FILIP1: variants seen among roughly 807,000 people sequenced by gnomAD.
FILIP1 encodes the protein filamin-A-interacting protein 1.
FILIP1 carries 61 observed loss-of-function variants against 102.1 expected under a neutral mutation model. The ratio of observed to expected loss-of-function variants is 0.60; its 90% CI spans 0.49 to 0.74. FILIP1 has a LOEUF of 0.74. Among genes scored for constraint, FILIP1 ranks in the 30% least tolerant of loss-of-function variants. FILIP1 has a pLI of 0.00. For missense variants in FILIP1, 1,314 were observed against 1,441.2 expected (o/e 0.91, Z 1.43); for synonymous variants, 491 against 526.9 (o/e 0.93, Z 0.93).
downstream of FILIP1, among the ~76,000 whole-genome samples, chr6:75,306,660 A>G (rs1181881737): frequency 1.3e-5 from 2 of 152,246 alleles, no homozygotes; most frequent in African/African-American, 4.8e-5. Flanking sequence ...ACCCAAAATC[A>G]TAAAATGTTC....
rs189488477 is a variant in FILIP1 at position 75,301,853 on chromosome 6, C to T, written c.3494-5903G>A. On this transcript the variant is annotated intron_variant, in intron 6 of 6. Coordinates refer to the FILIP1 transcript ENST00000393004. ...TCTCTCAGGTATCAAGTCCATTTTT[C>T]AGCAGCCCTTCTTCTCTGGATATTC... Among the ~76,000 whole-genome samples the T allele has an allele frequency of 1.1e-4, 16 of 152,236 alleles. No individual in the cohort carries two copies. The East Asian group carries it at 3.1e-3, about 29-fold the overall frequency.
At position 75,476,943 on chromosome 6, in the gene FILIP1, GT is replaced by G. The variant is rs543617324; in HGVS notation, c.-7+16470del. Among the ~76,000 whole-genome samples the G allele has an allele frequency of 2.6e-3, 390 of 152,272 alleles. 1 individual carries two copies. Among genetic ancestry groups the G allele is most frequent in the South Asian group, 0.016 (75 of 4,822 alleles). ...TGTTATACAACAATATGGAAGAAAT[GT>G]TAGGTCCTTCCTCCAAGGTGGATAT... On this transcript the variant is annotated intron_variant, in intron 1 of 5. Transcript: ENST00000237172.
At chr6:75,328,324 T>C (rs1296178662) in intron 4 of FILIP1, among the ~76,000 whole-genome samples, 1 of 152,204 alleles carries the variant, frequency 6.6e-6, no homozygotes, top group Non-Finnish European at 1.5e-5. Context: ...AATGAAATTA[T>C]GTATCTGAAA....
intron 1 of FILIP1, among the ~76,000 whole-genome samples, chr6:75,479,868 C>CA (rs58566488): frequency 0.036 from 1,543 of 42,842 alleles, 480 homozygotes; most frequent in African/African-American, 0.058. Context: ...AGCTGTATCT[C>CA]AAAAAAAAAA....
intron 2 of FILIP1, among the ~76,000 whole-genome samples, chr6:75,368,503 C>T (rs905908334): frequency 6.6e-6 from 1 of 152,106 alleles, no homozygotes; most frequent in Non-Finnish European, 1.5e-5. Context: ...TATAAACAAA[C>T]AATTGAGAGG....
downstream of FILIP1, among the ~76,000 whole-genome samples, chr6:75,306,321 T>C (rs1238116459): frequency 6.6e-6 from 1 of 152,154 alleles, no homozygotes; most frequent in Non-Finnish European, 1.5e-5. Flanking sequence ...TGGTATAGAC[T>C]TCCTGGAAGA....
At chr6:75,292,405 G>A (rs1562409665) in exon 7 of FILIP1, 2 of 152,120 alleles carry the variant, frequency 1.3e-5, no homozygotes, top group East Asian at 1.9e-4. Context: ...AATGTATCAC[G>A]TTATGGCATC....
At chr6:75,489,979 C>T (rs1342570023) in intron 1 of FILIP1, among the ~76,000 whole-genome samples, 1 of 151,898 alleles carries the variant, frequency 6.6e-6, no homozygotes, top group African/African-American at 2.4e-5. Context: ...TTCTAAAACC[C>T]ACGAGTTTAA....
intron 2 of FILIP1, among the ~76,000 whole-genome samples, chr6:75,375,348 C>T (rs1775717252): frequency 6.6e-6 from 1 of 152,202 alleles, no homozygotes; most frequent in Non-Finnish European, 1.5e-5. Flanking sequence ...AAGTAGACAA[C>T]AACTGGCATA....
chr6:75,321,037 C>G (rs573074539), intron 4 of FILIP1, among the ~76,000 whole-genome samples: 6 of 152,184 alleles, frequency 3.9e-5, no homozygotes, highest in Admixed American at 6.5e-5. Flanking sequence ...CTTCCTCCTC[C>G]TCCTTCTCCT....
intron 1 of FILIP1, among the ~76,000 whole-genome samples, chr6:75,439,811 C>T (rs1312555167): frequency 6.6e-6 from 1 of 152,172 alleles, no homozygotes; most frequent in African/African-American, 2.4e-5. Context: ...TTCTTCCTAA[C>T]ACTGAAGTAC....
chr6:75,381,936 T>C (rs1263843218), intron 2 of FILIP1, among the ~76,000 whole-genome samples: 1 of 152,238 alleles, frequency 6.6e-6, no homozygotes, highest in Non-Finnish European at 1.5e-5. Context: ...TCCAAAATAT[T>C]TGTTCTTTCC....
At chr6:75,335,380 AAAG>A (rs563556599) in intron 4 of FILIP1, among the ~76,000 whole-genome samples, 1 of 152,226 alleles carries the variant, frequency 6.6e-6, no homozygotes. Context: ...AGCTAAAGTT[AAAG>A]AAGTGTCTGT....
chr6:75,372,136 G>A (rs1169264677), intron 2 of FILIP1, among the ~76,000 whole-genome samples: 1 of 152,156 alleles, frequency 6.6e-6, no homozygotes, highest in African/African-American at 2.4e-5. Context: ...GCCAAGGTGG[G>A]TGGATCACCT....
At chr6:75,341,178 TGAGACAG>T in intron 4 of FILIP1, among the ~76,000 whole-genome samples, 1 of 151,452 alleles carries the variant, frequency 6.6e-6, no homozygotes, top group Non-Finnish European at 1.5e-5. Context: ...TTGGATTTTT[TGAGACAG>T]GGTCTCACTC....
chr6:75,412,017 T>C (rs1266251040), intron 2 of FILIP1, among the ~76,000 whole-genome samples: 1 of 152,042 alleles, frequency 6.6e-6, no homozygotes, highest in Non-Finnish European at 1.5e-5. Context: ...AGTGTGGCCA[T>C]TTTCATGATA....
rs1179325708 is a variant in FILIP1 at position 75,314,229 on chromosome 6, C to T, written c.1603G>A (p.Val535Met). The T allele has an allele frequency of 4.5e-5, 71 of 1,560,554 alleles. No homozygotes were observed. Among genetic ancestry groups the T allele is most frequent in the Non-Finnish European group, 6.0e-5 (70 of 1,164,298 alleles). ...KVDGLNKNFK[V>M]EQGKVMDVTE... ...ACATCCATAACTTTTCCTTGTTCCA[C>T]CTTAAAATTTTTATTGAGTCCATCC... The change falls in exon 5 of 6, where the codon GTG becomes ATG. Residue 535 changes from valine to methionine, a missense_variant. Coordinates refer to ENST00000237172, the MANE Select transcript of FILIP1 (RefSeq NM_015687.5).
intron 1 of FILIP1, among the ~76,000 whole-genome samples, chr6:75,440,355 T>C (rs1428039834): frequency 1.2e-4 from 19 of 152,216 alleles, no homozygotes; most frequent in Admixed American, 1.1e-3. Context: ...CCAACCTTCA[T>C]GGCAAATCAA....
intron 1 of FILIP1, among the ~76,000 whole-genome samples, chr6:75,464,843 T>C (rs1393578715): frequency 6.6e-6 from 1 of 152,182 alleles, no homozygotes; most frequent in East Asian, 1.9e-4. Context: ...TGCATCCTTT[T>C]AGTTGCTAGG....
Sources: gnomAD v4.1 joint callset for allele counts (sites outside exome capture counted in the v4.1 genomes callset) on GRCh38, gnomAD v4.1.1 for gene constraint, MANE v1.5 for transcripts, NCBI Gene and HGNC (gene_info 2026-07-23, HGNC 2026-07-21) for gene names.